The following SIX4 variants were observed in gnomAD, a reference collection of about 807,000 sequenced individuals.
SIX4 encodes the protein SIX homeobox 4.
A neutral mutation model predicts 51.5 loss-of-function variants in SIX4; 23 were observed. The ratio of observed to expected loss-of-function variants is 0.45; its 90% CI spans 0.32 to 0.63. SIX4 has a LOEUF of 0.63. Among genes scored for constraint, SIX4 ranks in the 30% least tolerant of loss-of-function variants. The probability of loss-of-function intolerance (pLI) is 0.04; values close to 1 mark genes in which losing one functional copy is unlikely to be tolerated. For synonymous variants in SIX4, 413 were observed against 417.3 expected (o/e 0.99, Z 0.13); for missense variants, 867 against 984.0 (o/e 0.88, Z 1.59).
rs1895990821 is a variant in SIX4, at chr14:60,719,966, A to G, written c.1343T>C (p.Ile448Thr). The G allele has an allele frequency of 8.1e-6, 13 of 1,612,996 alleles. No individual in the cohort carries two copies. Among genetic ancestry groups the G allele is most frequent in the Non-Finnish European group, 7.6e-6 (9 of 1,179,130 alleles). Residue 448 changes from isoleucine (I) to threonine (T), a missense_variant, in exon 2 of 3, where the codon ATA (isoleucine) becomes ACA (threonine). Coordinates refer to ENST00000216513, the MANE Select transcript of SIX4 (RefSeq NM_017420.5). The surrounding 1 kb of genome is among the most constrained non-coding windows in gnomAD (Gnocchi z 4.9). ...PSVPVSFPGL[I>T]PSTEVKREGI... ...TTCTCTTTTCACCTCAGTGCTGGGT[A>G]TCAGGCCTGGGAATGAGACAGGGAC... is the stretch of plus-strand genomic sequence containing the variant.
chr14:60,723,921 G>T lies in SIX4; in HGVS notation c.154C>A (p.Pro52Thr), dbSNP rs764503585. Residue 52 changes from proline to threonine, a missense_variant, in exon 1 of 3, where the codon CCC becomes ACC. By Grantham distance (38) the Pro-to-Thr change is conservative. Coordinates refer to ENST00000216513, the MANE Select transcript of SIX4 (RefSeq NM_017420.5). ...GTCGCGGCGTCCCCCGGCTCCAGGG[G>T]AAAAGGGGCTGGAGCCGGGGGGCTC... ...GLSPPAPAPF[P>T]LEPGDAATAA... 3.0e-5 allele frequency: 45 copies of T among 1,515,378 alleles called. No homozygotes were observed. The African/African-American group carries it at 6.0e-4, about 20-fold the overall frequency. The allele number at this position is 1,515,378 out of a possible 1,614,324, so 93.9% of individuals were successfully genotyped here.
rs982670156 is a variant in SIX4 at position 60,722,280 on chromosome 14, A to AT, written c.863+931dup. On this transcript the variant is annotated intron_variant, in intron 1 of 2. Transcript: ENST00000216513. The surrounding 1 kb of genome is among the most constrained non-coding windows in gnomAD (Gnocchi z 5.9). ...GCACAAAAGAGGTGGAAAATCCGGT[A>AT]TTTTTTTTACCAGAGGGGGAAAGCA... 1.8e-4 allele frequency among the ~76,000 whole-genome samples: 27 copies of AT among 152,014 alleles called. No homozygotes were observed. Among genetic ancestry groups the AT allele is most frequent in the East Asian group, 3.9e-4 (2 of 5,140 alleles).
Position 60,713,987 on chromosome 14 carries a change from T to G in SIX4, c.1766A>C (p.Gln589Pro). Residue 589 changes from glutamine to proline, a missense_variant, in exon 3 of 3, where the codon CAA becomes CCA. Physicochemically the swap from Gln to Pro is moderately conservative, Grantham distance 76 (BLOSUM62 -1). Transcript: ENST00000216513. ...SQLMPVNQNA[Q>P]VNANLSSENI... ...TTCAGAAGACAGGTTTGCATTTACT[T>G]GTGCATTCTGATTGACAGGCATCAA... The G allele has an allele frequency of 6.2e-7, 1 of 1,614,154 alleles. No homozygotes were observed.
chr14:60,722,224 C>G lies in SIX4; in HGVS notation c.863+988G>C, dbSNP rs557838782. Among the ~76,000 whole-genome samples the G allele has an allele frequency of 2.0e-5, 3 of 152,336 alleles. No homozygotes were observed. In the South Asian group the frequency reaches 6.2e-4, roughly 32 times the overall value. ...TGTTTCGTCCAACAAAACACACAGACGCACACACCAAGTGTCTGACTCGGG... is the reference window on the plus strand; with the variant it reads ...TGTTTCGTCCAACAAAACACACAGAGGCACACACCAAGTGTCTGACTCGGG... On this transcript the variant is annotated intron_variant, in intron 1 of 2. Transcript: ENST00000216513. The surrounding 1 kb of genome is among the most constrained non-coding windows in gnomAD (Gnocchi z 5.9).
rs758075610 is a variant in SIX4, at chr14:60,713,864, G to T, written c.1889C>A (p.Pro630His). Residue 630 changes from proline to histidine, a missense_variant, in exon 3 of 3, where the codon CCC (proline) becomes CAC (histidine). Physicochemically the swap from Pro to His is moderately conservative, Grantham distance 77 (BLOSUM62 -2). Coordinates refer to ENST00000216513, the MANE Select transcript of SIX4 (RefSeq NM_017420.5). Reference sequence around the variant, plus strand: ...GGCAATGTCGCGGTTTAGCTCAGTGGGATTTAGTAGTGTAGAGGGACTGAG... The same window carrying T: ...GGCAATGTCGCGGTTTAGCTCAGTGTGATTTAGTAGTGTAGAGGGACTGAG... ...FSLSPSTLLN[P>H]TELNRDIADS... 1 of 1,614,148 alleles carries T rather than the reference G, an allele frequency of 6.2e-7. No homozygotes were observed. Among genetic ancestry groups the T allele is most frequent in the Non-Finnish European group, 8.5e-7 (1 of 1,180,032 alleles).
chr14:60,722,809 G>C lies in SIX4; in HGVS notation c.863+403C>G, dbSNP rs974328783. On this transcript the variant is annotated intron_variant, in intron 1 of 2. Coordinates refer to ENST00000216513, the MANE Select transcript of SIX4 (RefSeq NM_017420.5). The surrounding 1 kb of genome is among the most constrained non-coding windows in gnomAD (Gnocchi z 5.9). Reference sequence around the variant, plus strand: ...CCGGCCGGCGCCGGCAGTCTCTGCGGGCCTCGGGCGGCAGGGAGAGCTACG... The same window carrying C: ...CCGGCCGGCGCCGGCAGTCTCTGCGCGCCTCGGGCGGCAGGGAGAGCTACG... 6.6e-6 allele frequency among the ~76,000 whole-genome samples: 1 copy of C among 152,016 alleles called. No homozygotes were observed. The highest frequency in any genetic ancestry group is 2.1e-4 in the South Asian group (1 of 4,818).
chr14:60,721,759 C>T (rs796970499), intron 1 of SIX4, among the ~76,000 whole-genome samples: 62 of 152,364 alleles, frequency 4.1e-4, no homozygotes, highest in African/African-American at 1.4e-3. Context: ...CCACCCTCTG[C>T]CCCGGCCCTG....
rs1895986691 is a variant in SIX4, at chr14:60,719,781, C to A, written c.1528G>T (p.Val510Leu). The A allele has an allele frequency of 1.9e-6, 3 of 1,613,880 alleles. No individual in the cohort carries two copies. Among genetic ancestry groups the A allele is most frequent in the Non-Finnish European group, 2.5e-6 (3 of 1,179,946 alleles). ...IGFSPLQLPP[V>L]SVAASQGNIS... ...TTACCTTGTGAAGCTGCCACTGACA[C>A]AGGGGGCAGCTGCAGTGGAGAGAAT... is the stretch of plus-strand genomic sequence containing the variant. Residue 510 changes from valine (V) to leucine (L), a missense_variant, in exon 2 of 3, where the codon GTG becomes TTG. Coordinates refer to ENST00000216513, the MANE Select transcript of SIX4 (RefSeq NM_017420.5). This position sits in a 1 kb window ranked among gnomAD's most constrained non-coding sequence, Gnocchi z 4.9.
chr14:60,723,210 AC>A lies in SIX4; in HGVS notation c.863+1del. On this transcript the variant is annotated splice_donor_variant, in intron 1 of 2. Transcript: ENST00000216513. LOFTEE classifies it high-confidence loss of function. Reference sequence around the variant, plus strand: ...GGGAGGAGGAGGAAAGTTGGCGCTCACCTTTTGGACTGGGTCTCGGAGGGGT... The same window carrying A: ...GGGAGGAGGAGGAAAGTTGGCGCTCACTTTTGGACTGGGTCTCGGAGGGGT... 6.3e-7 allele frequency: 1 copy of A among 1,598,136 alleles called. No individual in the cohort carries two copies. Among genetic ancestry groups the A allele is most frequent in the Non-Finnish European group, 8.5e-7 (1 of 1,172,570 alleles).
Position 60,723,772 on chromosome 14 carries a change from G to C in SIX4, c.303C>G (p.Ala101=). 6.6e-7 allele frequency: 1 copy of C among 1,523,622 alleles called. No individual in the cohort carries two copies. The highest frequency in any genetic ancestry group is 8.8e-7 in the Non-Finnish European group (1 of 1,140,446). The allele number at this position is 1,523,622 out of a possible 1,614,324, so 94.4% of individuals were successfully genotyped here. The change falls in exon 1 of 3, where the codon GCC becomes GCG. Residue 101 remains alanine (A), a synonymous_variant. Transcript: ENST00000216513. ...GCGAGAAGGCCAGCGGGGTCTGCGC[G>C]GCGGCGGCGGCGGCGTGGTGGTGCC... ...LGRHHHAAAA[A]AQTPLAFSPD...
chr14:60,713,343 G>T lies in SIX4; in HGVS notation c.*64C>A. 1 of 1,497,304 alleles carries T rather than the reference G, an allele frequency of 6.7e-7. No individual in the cohort carries two copies. Among genetic ancestry groups the T allele is most frequent in the Non-Finnish European group, 8.9e-7 (1 of 1,118,290 alleles). 92.8% of individuals were successfully genotyped at this position (1,497,304 alleles called of 1,614,324 possible). On this transcript the variant is annotated 3_prime_UTR_variant, in exon 3 of 3. Transcript: ENST00000216513. ...TCCTTTAAATGGGAAAATGTTTTGT[G>T]TCCTTGGGGCTTCATGAAAAGATTT...
rs1311015684 is a variant in SIX4, at chr14:60,709,910, C to G, written c.*3497G>C. 1 of 152,594 alleles carries G rather than the reference C, an allele frequency of 6.6e-6. No homozygotes were observed. 9.5% of individuals were successfully genotyped at this position (152,594 alleles called of 1,614,324 possible). ...AAAGCCAAAAGAGTCACATGCTATA[C>G]AATTTTGATTAATAAAATGTATGGT... On this transcript the variant is annotated 3_prime_UTR_variant, in exon 3 of 3. Transcript: ENST00000216513. The surrounding 1 kb of genome is among the most constrained non-coding windows in gnomAD (Gnocchi z 4.1).
In SIX4 at chr14:60,720,160, C is replaced by T. The variant is rs985096355; in HGVS notation, c.1149G>A (p.Val383=). Residue 383 remains valine, a synonymous_variant, in exon 2 of 3, where the codon GTG becomes GTA. Coordinates refer to ENST00000216513, the MANE Select transcript of SIX4 (RefSeq NM_017420.5). The surrounding 1 kb of genome is among the most constrained non-coding windows in gnomAD (Gnocchi z 5.5). ...PSGVILNGLN[V]GNTQAVALNP... is the part of the protein sequence containing the mutation. ...TCAATGCCACTGCCTGTGTATTTCC[C>T]ACATTTAATCCATTAAGGATAACTC... 2 of 1,614,046 alleles carry T rather than the reference C, an allele frequency of 1.2e-6. No individual in the cohort carries two copies. Among genetic ancestry groups the T allele is most frequent in the African/African-American group, 1.3e-5 (1 of 74,912 alleles).
In SIX4 at chr14:60,723,467, C is replaced by G. The variant is rs755306854; in HGVS notation, c.608G>C (p.Gly203Ala). Residue 203 changes from glycine to alanine, a missense_variant, in exon 1 of 3, where the codon GGA becomes GCA. Transcript: ENST00000216513. ...GCGCAGCCGGTACTTGTCTACGGCT[C>G]CCAGCGGCCGGCCGCGGGCTCGCTC... ...EAERARGRPLGAVDKYRLRRK... is the reference protein window; with the variant it reads ...EAERARGRPLAAVDKYRLRRK... The G allele has an allele frequency of 6.2e-7, 1 of 1,607,762 alleles. No individual in the cohort carries two copies. The highest frequency in any genetic ancestry group is 8.5e-7 in the Non-Finnish European group (1 of 1,179,602).
chr14:60,723,099 G>A (rs971347173), intron 1 of SIX4, 113 bp downstream of exon 1: 83 of 1,421,792 alleles, frequency 5.8e-5, no homozygotes, highest in Non-Finnish European at 7.1e-5. Context: ...GTGGGCAGCC[G>A]GACCAGGCTG....
At chr14:60,715,228 C>G (rs1297678065) in intron 2 of SIX4, among the ~76,000 whole-genome samples, 1 of 152,122 alleles carries the variant, frequency 6.6e-6, no homozygotes, top group Non-Finnish European at 1.5e-5. Flanking sequence ...ATAGTTATTG[C>G]TAGCTCTGCC....
chr14:60,723,224 G>C lies in SIX4; in HGVS notation c.851C>G (p.Thr284Ser), dbSNP rs775917475. ...RRQRDRNPSE[T>S]QSKSESDGNP... Reference sequence around the variant, plus strand: ...AGTTGGCGCTCACCTTTTGGACTGGGTCTCGGAGGGGTTCCTGTCGCGCTG... The same window carrying C: ...AGTTGGCGCTCACCTTTTGGACTGGCTCTCGGAGGGGTTCCTGTCGCGCTG... The change falls in exon 1 of 3, where the codon ACC becomes AGC. Residue 284 changes from threonine to serine, a missense_variant. Transcript: ENST00000216513. The C allele has an allele frequency of 6.2e-7, 1 of 1,611,686 alleles. No homozygotes were observed. Among genetic ancestry groups the C allele is most frequent in the Non-Finnish European group, 8.5e-7 (1 of 1,179,238 alleles).
Position 60,720,129 on chromosome 14 carries a change from G to A in SIX4, c.1180C>T (p.Pro394Ser). The change falls in exon 2 of 3, where the codon CCA becomes TCA. Residue 394 changes from proline to serine, a missense_variant. By Grantham distance (74) the Pro-to-Ser change is moderately conservative. Transcript: ENST00000216513. This position sits in a 1 kb window ranked among gnomAD's most constrained non-coding sequence, Gnocchi z 5.5. ...CTCACAATGTTTGATGACATTTTTG[G>A]TGGGTTCAATGCCACTGCCTGTGTA... ...GNTQAVALNP[P>S]KMSSNIVSNG... The A allele has an allele frequency of 3.7e-6, 6 of 1,614,188 alleles. No individual in the cohort carries two copies. The highest frequency in any genetic ancestry group is 5.1e-6 in the Non-Finnish European group (6 of 1,180,040).
In SIX4 at chr14:60,722,767, T is replaced by A. The variant is rs1322388433; in HGVS notation, c.863+445A>T. ...CGCGCGCGCCAGGCCCGGTGTGACC[T>A]CGCGGAGGTGCAGACCCCGGCCGGC... On this transcript the variant is annotated intron_variant, in intron 1 of 2. Coordinates refer to ENST00000216513, the MANE Select transcript of SIX4 (RefSeq NM_017420.5). This position sits in a 1 kb window ranked among gnomAD's most constrained non-coding sequence, Gnocchi z 5.9. Among the ~76,000 whole-genome samples, 1 of 151,770 alleles carries A rather than the reference T, an allele frequency of 6.6e-6. No individual in the cohort carries two copies. Among genetic ancestry groups the A allele is most frequent in the African/African-American group, 2.4e-5 (1 of 41,302 alleles).
Sources: allele counts gnomAD v4.1 joint callset (sites outside exome capture counted in the v4.1 genomes callset), GRCh38; gene constraint gnomAD v4.1.1; non-coding constraint Gnocchi (gnomAD v3.1); transcripts MANE v1.5; gene names NCBI Gene and HGNC (gene_info 2026-07-23, HGNC 2026-07-21).